Variants in STK3 observed in about 807,000 individuals in gnomAD.
STK3 encodes serine/threonine-protein kinase 3.
In STK3, 41 loss-of-function variants were observed where a neutral mutation model predicts 58.0. The observed-to-expected ratio is 0.71, with a 90% CI of 0.55 to 0.92. STK3 has a LOEUF of 0.92. Among genes scored for constraint, STK3 ranks in the 40% least tolerant of loss-of-function variants. The pLI is 0.00. For missense variants in STK3, 479 were observed against 602.7 expected (o/e 0.79, Z 2.15); for synonymous variants, 170 against 191.0 (o/e 0.89, Z 0.91).
chr8:98,773,439 T>C (rs548229369), intron 2 of STK3, among the ~76,000 whole-genome samples: 13 of 152,266 alleles, frequency 8.5e-5, no homozygotes, highest in South Asian at 2.1e-4. Context: ...TTTATTTGTA[T>C]GTTTATCTAT....
At chr8:98,698,159 T>C (rs1334581614) in intron 6 of STK3, among the ~76,000 whole-genome samples, 1 of 151,992 alleles carries the variant, frequency 6.6e-6, no homozygotes, top group Admixed American at 6.6e-5. Context: ...GTTTAAAGTC[T>C]GTTTTATCAG....
At chr8:98,841,681 CAAAAAAA>C (rs10605812) in intron 3 of STK3, among the ~76,000 whole-genome samples, 1 of 86,712 alleles carries the variant, frequency 1.2e-5, no homozygotes, top group East Asian at 3.3e-4. Context: ...GACCTGGTCT[CAAAAAAA>C]AAAAAAAAAA....
intron 1 of STK3, among the ~76,000 whole-genome samples, chr8:98,442,992 C>CAAAA (rs55664519): frequency 6.8e-6 from 1 of 147,286 alleles, no homozygotes; most frequent in African/African-American, 2.5e-5. Flanking sequence ...TTAGCTAAAG[C>CAAAA]AAAAAAAAAA....
chr8:98,554,373 G>A (rs954001838), intron 8 of STK3, among the ~76,000 whole-genome samples: 4 of 152,066 alleles, frequency 2.6e-5, no homozygotes, highest in Admixed American at 2.6e-4. Context: ...GAGATTCAAT[G>A]CTGTGACCAT....
At chr8:98,747,242 A>G (rs1829704249) in intron 4 of STK3, among the ~76,000 whole-genome samples, 1 of 152,180 alleles carries the variant, frequency 6.6e-6, no homozygotes, top group African/African-American at 2.4e-5. Context: ...GCAATACAAA[A>G]TAAGAATAAC....
chr8:98,737,422 A>C (rs1265484994), intron 4 of STK3, among the ~76,000 whole-genome samples: 1 of 152,216 alleles, frequency 6.6e-6, no homozygotes, highest in African/African-American at 2.4e-5. Context: ...GGTACTAGGC[A>C]AGAATAATAC....
intron 3 of STK3, among the ~76,000 whole-genome samples, chr8:98,859,460 A>G (rs1401203150): frequency 6.6e-6 from 1 of 152,214 alleles, no homozygotes; most frequent in East Asian, 1.9e-4. Context: ...TTATACATGG[A>G]TTTGATTGCT....
chr8:98,684,984 T>C (rs1203157975), intron 6 of STK3, among the ~76,000 whole-genome samples: 1 of 152,186 alleles, frequency 6.6e-6, no homozygotes. Flanking sequence ...TGTGTGTCTG[T>C]ACACATGTGC....
intron 3 of STK3, among the ~76,000 whole-genome samples, chr8:98,843,630 G>A (rs1836080137): frequency 6.6e-6 from 1 of 152,168 alleles, no homozygotes; most frequent in Admixed American, 6.5e-5. Flanking sequence ...TCTTGTCATT[G>A]GCTCAAACTG....
chr8:98,888,964 ATCT>A (rs1451876829), intron 1 of STK3, among the ~76,000 whole-genome samples: 1 of 152,188 alleles, frequency 6.6e-6, no homozygotes, highest in East Asian at 1.9e-4. Context: ...GTCTGCCAGG[ATCT>A]TCTCCTCGTC....
the STK3 span, among the ~76,000 whole-genome samples, chr8:98,351,577 T>A: frequency 6.6e-6 from 1 of 152,078 alleles, no homozygotes; most frequent in Non-Finnish European, 1.5e-5. Context: ...TTAATAAAAG[T>A]TCTGTCATCA....
intron 9 of STK3, among the ~76,000 whole-genome samples, chr8:98,541,425 C>T (rs761358421): frequency 1.3e-5 from 2 of 152,150 alleles, no homozygotes; most frequent in Non-Finnish European, 2.9e-5. Context: ...CGTCCCCTTC[C>T]ACCATGATTG....
At chr8:98,351,690 A>G in the STK3 span, among the ~76,000 whole-genome samples, 1 of 152,166 alleles carries the variant, frequency 6.6e-6, no homozygotes, top group African/African-American at 2.4e-5. Context: ...AAGGTCTAGA[A>G]ACAATGATCA....
At chr8:98,561,953 A>T (rs1812069522) in intron 8 of STK3, among the ~76,000 whole-genome samples, 2 of 152,218 alleles carry the variant, frequency 1.3e-5, no homozygotes, top group Admixed American at 1.3e-4. Context: ...AATTAAAACG[A>T]GATACCACTA....
chr8:98,345,490 T>C, the STK3 span, among the ~76,000 whole-genome samples: 1 of 151,872 alleles, frequency 6.6e-6, no homozygotes, highest in Non-Finnish European at 1.5e-5. Flanking sequence ...GGACACCAGA[T>C]ACAGGATTTG....
chr8:98,852,503 A>C (rs1836510783), intron 3 of STK3, among the ~76,000 whole-genome samples: 1 of 152,186 alleles, frequency 6.6e-6, no homozygotes, highest in Admixed American at 6.5e-5. Flanking sequence ...GTTAATAATA[A>C]ATCAAATAAT....
At chr8:98,364,757 C>T in the STK3 span, among the ~76,000 whole-genome samples, 1 of 152,218 alleles carries the variant, frequency 6.6e-6, no homozygotes, top group Non-Finnish European at 1.5e-5. Context: ...TCCCAGAATG[C>T]CTCGTATTTG....
intron 9 of STK3, among the ~76,000 whole-genome samples, chr8:98,539,816 G>T (rs2001728): frequency 0.4 from 60,447 of 151,792 alleles, 12,242 homozygotes; most frequent in Admixed American, 0.52. Context: ...TGCTGTTGCG[G>T]GATCTCAGCT....
chr8:98,614,936 G>A (rs1387185043), intron 6 of STK3, among the ~76,000 whole-genome samples: 2 of 152,230 alleles, frequency 1.3e-5, no homozygotes, highest in Non-Finnish European at 2.9e-5. Context: ...CAGCCAGGAA[G>A]CTCCAACTGG....
Sources: allele counts gnomAD v4.1 joint callset (sites outside exome capture counted in the v4.1 genomes callset), GRCh38; gene constraint gnomAD v4.1.1; transcripts MANE v1.5; gene names NCBI Gene and HGNC (gene_info 2026-07-23, HGNC 2026-07-21).